Variants in DPH6 observed in about 807,000 individuals in gnomAD.
DPH6 encodes the protein diphthine--ammonia ligase.
DPH6 carries 33 observed loss-of-function variants against 38.2 expected under a neutral mutation model. The ratio of observed to expected loss-of-function variants is 0.86; its 90% CI spans 0.65 to 1.15. DPH6 has a LOEUF of 1.15. DPH6 is among the 50% of genes most tolerant of loss of function. The pLI is 0.00. For synonymous variants in DPH6, 108 were observed against 103.0 expected (o/e 1.05, Z -0.30); for missense variants, 325 against 320.0 (o/e 1.02, Z -0.12).
chr15:35,211,914 C>CT, the DPH6 span, among the ~76,000 whole-genome samples: 1 of 152,196 alleles, frequency 6.6e-6, no homozygotes, highest in African/African-American at 2.4e-5. Flanking sequence ...ACCTCCTCCC[C>CT]TTATAAGGCC....
At chr15:35,413,720 A>T (rs886533497) in intron 5 of DPH6, among the ~76,000 whole-genome samples, 9 of 151,678 alleles carry the variant, frequency 5.9e-5, no homozygotes, top group African/African-American at 1.9e-4. Flanking sequence ...ACCCAATCTT[A>T]TAAATATGAC....
chr15:35,299,253 G>T, intron 3 of DPH6: 1 of 1,103,748 alleles, frequency 9.1e-7, no homozygotes. Context: ...AATTTGCCCG[G>T]TCATCTGAGG....
chr15:35,232,479 G>C (rs915609488), intron 3 of DPH6, among the ~76,000 whole-genome samples: 1 of 152,096 alleles, frequency 6.6e-6, no homozygotes, highest in African/African-American at 2.4e-5. Context: ...TACTCAGGAG[G>C]CTGAGGCAGG....
At chr15:35,441,435 A>G (rs889834720) in intron 5 of DPH6, among the ~76,000 whole-genome samples, 8 of 152,240 alleles carry the variant, frequency 5.3e-5, no homozygotes, top group Non-Finnish European at 1.5e-5. Flanking sequence ...GATAGACTGG[A>G]TAAAGAAAAT....
intron 7 of DPH6, 140 bp from the exon 8 acceptor site, chr15:35,373,748 A>G (rs2052744421): frequency 9.7e-6 from 5 of 516,788 alleles, no homozygotes; most frequent in Non-Finnish European, 1.3e-5. Context: ...ATTAATAAAT[A>G]TTTTTAATAA....
At chr15:35,483,749 G>A (rs1418879988) in intron 3 of DPH6, among the ~76,000 whole-genome samples, 1 of 152,152 alleles carries the variant, frequency 6.6e-6, no homozygotes, top group Non-Finnish European at 1.5e-5. Flanking sequence ...AACATTCACA[G>A]CAGCATTACA....
chr15:35,463,561 G>C (rs1012276100), intron 3 of DPH6, among the ~76,000 whole-genome samples: 5 of 152,048 alleles, frequency 3.3e-5, no homozygotes, highest in African/African-American at 1.2e-4. Context: ...AATGATATAA[G>C]GCTAAGCGAA....
chr15:35,215,753 T>C (rs1256084852), downstream of DPH6, among the ~76,000 whole-genome samples: 1 of 152,200 alleles, frequency 6.6e-6, no homozygotes, highest in Admixed American at 6.5e-5. Flanking sequence ...CTGCATAATT[T>C]CATTTGATTC....
rs1555408246 is a variant in DPH6, at chr15:35,520,236, A to AAC, written c.312+18037_312+18038insGT. ...AACATGCTACAAAAAAAAACAAAAA[A>AAC]AAAACAAAAGAAGAAGAATCAAAAC... On this transcript the variant is annotated intron_variant, in intron 3 of 8. Coordinates refer to ENST00000256538, the MANE Select transcript of DPH6 (RefSeq NM_080650.4). 155 of 814,370 alleles carry AAC rather than the reference A, an allele frequency of 1.9e-4. No homozygotes were observed. The African/African-American group carries it at 2.2e-3, about 12-fold the overall frequency. The allele number at this position is 814,370 out of a possible 1,614,324, so 50.4% of individuals were successfully genotyped here.
chr15:35,362,521 G>T (rs974106986), intron 3 of DPH6, among the ~76,000 whole-genome samples: 1 of 152,104 alleles, frequency 6.6e-6, no homozygotes, highest in Non-Finnish European at 1.5e-5. Flanking sequence ...CTTTATTATT[G>T]CCAGTTTTCA....
chr15:35,357,110 C>T (rs932634589), intron 3 of DPH6, among the ~76,000 whole-genome samples: 1 of 152,196 alleles, frequency 6.6e-6, no homozygotes, highest in Non-Finnish European at 1.5e-5. Context: ...TCCTGTTGTG[C>T]CGTTTGCTAA....
chr15:35,285,823 T>TTC (rs2051937005), intron 3 of DPH6, among the ~76,000 whole-genome samples: 1 of 148,136 alleles, frequency 6.8e-6, no homozygotes, highest in Non-Finnish European at 1.5e-5. Flanking sequence ...CTCTGGCACA[T>TTC]TCTTCCTGAT....
chr15:35,446,279 G>C (rs2053852254), intron 5 of DPH6, among the ~76,000 whole-genome samples: 2 of 142,294 alleles, frequency 1.4e-5, no homozygotes, highest in Admixed American at 7.3e-5. Flanking sequence ...CACCCAGGTT[G>C]GAGTGCAGAG....
rs560518431 is a variant in DPH6 at position 35,298,638 on chromosome 15, T to C, written n.200+74883A>G. Reference sequence around the variant, plus strand: ...CCCACGATGATCTTGCCACCAAGCTTGCTGGTCTTCTCCACCGAAAAGGCG... The same window carrying C: ...CCCACGATGATCTTGCCACCAAGCTCGCTGGTCTTCTCCACCGAAAAGGCG... On this transcript the variant is annotated intron_variant and non_coding_transcript_variant, in intron 3 of 3. Transcript: ENST00000560386. 164 of 1,073,370 alleles carry C rather than the reference T, an allele frequency of 1.5e-4. No homozygotes were observed. The East Asian group carries it at 3.6e-3, about 23-fold the overall frequency. 66.5% of individuals were successfully genotyped at this position (1,073,370 alleles called of 1,614,324 possible). A position where few individuals can be genotyped will look rare whatever the true frequency, so the allele number is the denominator to read the frequency against.
chr15:35,436,109 G>C (rs1566908848), intron 5 of DPH6, among the ~76,000 whole-genome samples: 1 of 151,938 alleles, frequency 6.6e-6, no homozygotes. Flanking sequence ...CATACCTCGC[G>C]ACACCTCCAT....
intron 3 of DPH6, 107 bp downstream of exon 3, chr15:35,538,167 G>T: frequency 1.0e-6 from 1 of 984,102 alleles, no homozygotes; most frequent in Non-Finnish European, 1.4e-6. Flanking sequence ...TTAAAGAATA[G>T]TTGGGCTACT....
chr15:35,478,266 G>T (rs2054284615), intron 3 of DPH6, among the ~76,000 whole-genome samples: 1 of 151,362 alleles, frequency 6.6e-6, no homozygotes, highest in African/African-American at 2.4e-5. Flanking sequence ...TGTTTAGGAA[G>T]AAATGCTATA....
chr15:35,489,117 G>T (rs1278327616), intron 3 of DPH6, among the ~76,000 whole-genome samples: 1 of 152,168 alleles, frequency 6.6e-6, no homozygotes, highest in East Asian at 1.9e-4. Context: ...CCCCAAGCTG[G>T]TTCAATAGTG....
At chr15:35,530,498 TAA>T in intron 3 of DPH6, among the ~76,000 whole-genome samples, 1 of 152,232 alleles carries the variant, frequency 6.6e-6, no homozygotes, top group East Asian at 1.9e-4. Context: ...GATATAAAAA[TAA>T]GTCAGTTGAT....
Sources: gnomAD v4.1 joint callset for allele counts (sites outside exome capture counted in the v4.1 genomes callset) on GRCh38, gnomAD v4.1.1 for gene constraint, MANE v1.5 for transcripts, NCBI Gene and HGNC (gene_info 2026-07-23, HGNC 2026-07-21) for gene names.